Variants in CFAP77 observed in about 807,000 individuals in gnomAD.
The protein encoded by CFAP77 is cilia and flagella associated protein 77.
CFAP77 carries 25 observed loss-of-function variants against 31.1 expected under a neutral mutation model. The observed-to-expected ratio is 0.80, with a 90% CI of 0.59 to 1.12. The LOEUF (loss-of-function observed/expected upper bound fraction) is 1.12, where lower values mean the gene tolerates loss of function less well. CFAP77 is among the 50% of genes most tolerant of loss of function. CFAP77 has a pLI of 0.00. For missense variants in CFAP77, 377 were observed against 397.3 expected (o/e 0.95, Z 0.44); for synonymous variants, 151 against 159.9 (o/e 0.94, Z 0.42).
At chr9:132,560,764 C>T (rs577937533) in intron 5 of CFAP77, among the ~76,000 whole-genome samples, 16 of 152,244 alleles carry the variant, frequency 1.1e-4, no homozygotes, top group African/African-American at 1.7e-4. Context: ...AATGGTCCCC[C>T]GCCCCATCCC....
intron 3 of CFAP77, among the ~76,000 whole-genome samples, chr9:132,510,830 C>T (rs1008756680): frequency 1.3e-5 from 2 of 152,124 alleles, no homozygotes; most frequent in South Asian, 2.1e-4. Context: ...TGCCAGTTTC[C>T]GGGGCTAGAC....
chr9:132,567,297 T>G (rs1829896516), intron 5 of CFAP77, among the ~76,000 whole-genome samples: 1 of 152,246 alleles, frequency 6.6e-6, no homozygotes, highest in African/African-American at 2.4e-5. Flanking sequence ...AAGGGGTGTG[T>G]GCTTAGCAGC....
Position 132,446,597 on chromosome 9 carries a change from T to C in CFAP77, c.195+36131T>C, listed in dbSNP as rs571353028. ...CTACTAAAAAATACAAAAAATTAGC[T>C]GGGCGTGGTGGTGGGTGCCTGTAGT... On this transcript the variant is annotated intron_variant, in intron 1 of 5. Coordinates refer to ENST00000393216, the MANE Select transcript of CFAP77 (RefSeq NM_001282957.2). Among the ~76,000 whole-genome samples the C allele has an allele frequency of 2.5e-4, 38 of 151,598 alleles. No homozygotes were observed. In the South Asian group the frequency reaches 6.5e-3, roughly 26 times the overall value.
chr9:132,537,476 C>T, intron 3 of CFAP77, 125 bp from the exon 4 acceptor site: 2 of 649,952 alleles, frequency 3.1e-6, no homozygotes, highest in Admixed American at 5.1e-5. Context: ...GAGGCTTTCA[C>T]AGAGGTGGGA....
chr9:132,514,829 C>T (rs774767421), intron 3 of CFAP77, among the ~76,000 whole-genome samples: 4 of 152,170 alleles, frequency 2.6e-5, no homozygotes, highest in South Asian at 2.1e-4. Flanking sequence ...GGGAGACAGG[C>T]GGGGCCTCAG....
chr9:132,533,458 G>A (rs1009215685), intron 3 of CFAP77, among the ~76,000 whole-genome samples: 2 of 146,974 alleles, frequency 1.4e-5, no homozygotes, highest in African/African-American at 2.7e-5. Context: ...CTCCCTCCCA[G>A]GGCTCTAGCC....
chr9:132,493,527 A>G (rs985911247), intron 1 of CFAP77, among the ~76,000 whole-genome samples: 1 of 152,250 alleles, frequency 6.6e-6, no homozygotes, highest in Non-Finnish European at 1.5e-5. Context: ...AAGGGCTGGC[A>G]GACACAGTCA....
At chr9:132,444,716 T>C (rs745592423) in intron 1 of CFAP77, among the ~76,000 whole-genome samples, 2 of 152,140 alleles carry the variant, frequency 1.3e-5, no homozygotes, top group Non-Finnish European at 2.9e-5. Flanking sequence ...TTATTGATCT[T>C]TTTTCTTTAA....
intron 3 of CFAP77, among the ~76,000 whole-genome samples, chr9:132,509,814 G>T (rs1852000836): frequency 6.6e-6 from 1 of 152,038 alleles, no homozygotes. Context: ...AGCCATAACT[G>T]GGAGAAGGTA....
intron 5 of CFAP77, among the ~76,000 whole-genome samples, chr9:132,571,457 G>A (rs1349517490): frequency 6.6e-6 from 1 of 152,180 alleles, no homozygotes; most frequent in Non-Finnish European, 1.5e-5. Context: ...TAGCTGTGTA[G>A]TTACTGCTGG....
Position 132,438,199 on chromosome 9 carries a change from CAAAAAA to C in CFAP77, c.195+27750_195+27755del, listed in dbSNP as rs954482789. Among the ~76,000 whole-genome samples, 10 of 47,864 alleles carry C rather than the reference CAAAAAA, an allele frequency of 2.1e-4. No homozygotes were observed. In the East Asian group the frequency reaches 2.7e-3, roughly 13 times the overall value. The allele number at this position is 47,864 out of a possible 152,430, so 31.4% of individuals were successfully genotyped here. ...CCTGGGAGACAGAGCGAGACGCCATCAAAAAAAAAAAAAAAAAAAAAAGACATTGGA... is the reference window on the plus strand; with the variant it reads ...CCTGGGAGACAGAGCGAGACGCCATCAAAAAAAAAAAAAAAAGACATTGGA... On this transcript the variant is annotated intron_variant, in intron 1 of 5. Coordinates refer to ENST00000393216, the MANE Select transcript of CFAP77 (RefSeq NM_001282957.2).
At chr9:132,506,272 C>A (rs545018045) in intron 3 of CFAP77, among the ~76,000 whole-genome samples, 1 of 152,238 alleles carries the variant, frequency 6.6e-6, no homozygotes, top group Non-Finnish European at 1.5e-5. Flanking sequence ...AGCATGCTGC[C>A]ACCCAAGGTC....
chr9:132,533,026 C>T (rs988415546), intron 3 of CFAP77, among the ~76,000 whole-genome samples: 1 of 152,238 alleles, frequency 6.6e-6, no homozygotes, highest in Non-Finnish European at 1.5e-5. Context: ...GAAATAATCG[C>T]CTGCACCTTC....
rs1227497488 is a variant in CFAP77, at chr9:132,529,466, A to G, written c.525-8135A>G. ...GGCACATGTATACATATGTAACTAAACTGCACAATGTGCACATGTACCCTA... is the reference window on the plus strand; with the variant it reads ...GGCACATGTATACATATGTAACTAAGCTGCACAATGTGCACATGTACCCTA... On this transcript the variant is annotated intron_variant, in intron 3 of 5. Transcript: ENST00000393216. 2.1e-3 allele frequency among the ~76,000 whole-genome samples: 264 copies of G among 128,484 alleles called. 1 individual carries two copies. Among genetic ancestry groups the G allele is most frequent in the African/African-American group, 6.7e-3 (247 of 36,736 alleles). The allele number at this position is 128,484 out of a possible 152,430, so 84.3% of individuals were successfully genotyped here. A position where few individuals can be genotyped will look rare whatever the true frequency, so the allele number is the denominator to read the frequency against.
chr9:132,541,929 G>A (rs1852650740), intron 4 of CFAP77, among the ~76,000 whole-genome samples: 1 of 152,242 alleles, frequency 6.6e-6, no homozygotes, highest in African/African-American at 2.4e-5. Context: ...GCCCTTGGAA[G>A]ACAGTTGCCT....
rs567059604 is a variant in CFAP77 at position 132,500,807 on chromosome 9, C to T, written c.524+1207C>T. On this transcript the variant is annotated intron_variant, in intron 3 of 5. Coordinates refer to ENST00000393216, the MANE Select transcript of CFAP77 (RefSeq NM_001282957.2). ...TCACCATTGTCAACAAGGGCACGACCGGCCTGGCGCTTAGATAAGCTCCCT... is the reference window on the plus strand; with the variant it reads ...TCACCATTGTCAACAAGGGCACGACTGGCCTGGCGCTTAGATAAGCTCCCT... Among the ~76,000 whole-genome samples, 12 of 152,202 alleles carry T rather than the reference C, an allele frequency of 7.9e-5. No individual in the cohort carries two copies. In the South Asian group the frequency reaches 1.0e-3, roughly 13 times the overall value.
chr9:132,447,666 A>G (rs567893702), intron 1 of CFAP77, among the ~76,000 whole-genome samples: 1 of 152,362 alleles, frequency 6.6e-6, no homozygotes, highest in Admixed American at 6.5e-5. Context: ...CTCCTCTCAA[A>G]TACACACTAA....
chr9:132,533,156 T>C (rs1852486536), intron 3 of CFAP77, among the ~76,000 whole-genome samples: 2 of 152,206 alleles, frequency 1.3e-5, no homozygotes, highest in Non-Finnish European at 2.9e-5. Context: ...GGAGGTGCCC[T>C]GAACGAGATC....
intron 3 of CFAP77, among the ~76,000 whole-genome samples, chr9:132,515,473 A>G (rs566334240): frequency 6.6e-6 from 1 of 152,348 alleles, no homozygotes; most frequent in Non-Finnish European, 1.5e-5. Flanking sequence ...AAAGATGAAT[A>G]TAATCCAGGC....
Sources: allele counts gnomAD v4.1 joint callset (sites outside exome capture counted in the v4.1 genomes callset), GRCh38; gene constraint gnomAD v4.1.1; transcripts MANE v1.5; gene names NCBI Gene and HGNC (gene_info 2026-07-23, HGNC 2026-07-21).